PCDH15: variants seen among roughly 807,000 people sequenced by gnomAD.
The protein encoded by PCDH15 is protocadherin-15.
Under a neutral mutation model 178.5 loss-of-function variants are expected in PCDH15, and 129 were observed. That is an observed-to-expected ratio of 0.72 (90% confidence interval 0.63 to 0.84). The LOEUF is 0.84. Ranked by LOEUF, PCDH15 falls within the 40% of genes least tolerant of loss-of-function variation. The pLI is 0.00. For synonymous variants in PCDH15, 800 were observed against 732.0 expected (o/e 1.09, Z -1.50); for missense variants, 2,230 against 2,099.9 (o/e 1.06, Z -1.21).
At chr10:55,009,170 G>C (rs1839996221) in intron 2 of PCDH15, among the ~76,000 whole-genome samples, 1 of 151,906 alleles carries the variant, frequency 6.6e-6, no homozygotes, top group Non-Finnish European at 1.5e-5. Context: ...TTTTAATGTA[G>C]CATCAACCTT....
chr10:55,512,687 G>A (rs1048727735), intron 2 of PCDH15, among the ~76,000 whole-genome samples: 4 of 152,014 alleles, frequency 2.6e-5, no homozygotes, highest in Non-Finnish European at 5.9e-5. Flanking sequence ...TGTAAAGATT[G>A]TTTTCTAGCC....
chr10:55,457,916 T>C (rs1377892643), intron 2 of PCDH15, among the ~76,000 whole-genome samples: 1 of 152,100 alleles, frequency 6.6e-6, no homozygotes, highest in Non-Finnish European at 1.5e-5. Flanking sequence ...ATTTATAAAG[T>C]AGCAATATGT....
rs1265091904 is a variant in PCDH15 at position 54,752,360 on chromosome 10, C to T, written c.-29+48565G>A. 3.3e-5 allele frequency among the ~76,000 whole-genome samples: 5 copies of T among 151,528 alleles called. No homozygotes were observed. In the South Asian group the frequency reaches 1.0e-3, roughly 32 times the overall value. On this transcript the variant is annotated intron_variant, in intron 1 of 37. Coordinates refer to ENST00000644397, the MANE Select transcript of PCDH15 (RefSeq NM_001384140.1). ...GGCGTGGTGGCGGGCGCCTGTAGTC[C>T]CAGCTACTCTGGAGGCTGAGGCAGG...
intron 2 of PCDH15, among the ~76,000 whole-genome samples, chr10:54,540,163 A>G (rs2085047638): frequency 6.6e-6 from 1 of 152,128 alleles, no homozygotes; most frequent in African/African-American, 2.4e-5. Flanking sequence ...GGGCAGGACT[A>G]AATAAAATTG....
chr10:53,947,449 T>A (rs1020244240), intron 23 of PCDH15, among the ~76,000 whole-genome samples: 1 of 152,124 alleles, frequency 6.6e-6, no homozygotes, highest in Non-Finnish European at 1.5e-5. Flanking sequence ...CAAATCTAAT[T>A]TATTTTGACA....
At chr10:54,557,038 T>C (rs1049421361) in intron 2 of PCDH15, among the ~76,000 whole-genome samples, 2 of 152,178 alleles carry the variant, frequency 1.3e-5, no homozygotes, top group Admixed American at 6.5e-5. Flanking sequence ...TTAAAGACTA[T>C]TCATCTTTAA....
chr10:54,265,200 G>A (rs1446448014), intron 8 of PCDH15, among the ~76,000 whole-genome samples: 1 of 152,092 alleles, frequency 6.6e-6, no homozygotes, highest in Non-Finnish European at 1.5e-5. Context: ...GTCTTTCTGA[G>A]TCAAGCAATC....
intron 3 of PCDH15, among the ~76,000 whole-genome samples, chr10:54,508,243 T>C (rs1023848252): frequency 1.2e-4 from 19 of 152,014 alleles, no homozygotes; most frequent in African/African-American, 4.6e-4. Context: ...GCCAGCACAC[T>C]ATCATACATT....
At chr10:55,541,886 C>A (rs1841767226) in intron 2 of PCDH15, among the ~76,000 whole-genome samples, 1 of 151,670 alleles carries the variant, frequency 6.6e-6, no homozygotes, top group African/African-American at 2.4e-5. Flanking sequence ...GTGATTTGTC[C>A]AAACCATAAG....
intron 3 of PCDH15, among the ~76,000 whole-genome samples, chr10:54,870,764 C>T (rs930970014): frequency 6.6e-5 from 10 of 150,424 alleles, no homozygotes; most frequent in Non-Finnish European, 1.5e-4. Flanking sequence ...CTAGCCTGGG[C>T]GACAGAGAGA....
Position 53,824,775 on chromosome 10 carries a change from T to C in PCDH15, c.4367+2618A>G, listed in dbSNP as rs116628563. On this transcript the variant is annotated intron_variant, in intron 32 of 37. Transcript: ENST00000644397. ...TTCTCTTGGTAAAGCACCCAATGGA[T>C]ATAACAATATCACATCACTTTGACT... Among the ~76,000 whole-genome samples the C allele has an allele frequency of 5.7e-3, 865 of 152,236 alleles. 10 individuals carry two copies. The highest frequency in any genetic ancestry group is 0.02 in the African/African-American group (812 of 41,562).
chr10:54,743,165 A>G (rs1945029124), intron 1 of PCDH15, among the ~76,000 whole-genome samples: 1 of 152,032 alleles, frequency 6.6e-6, no homozygotes. Flanking sequence ...TATATTTTCC[A>G]GAAGATAAAT....
intron 3 of PCDH15, among the ~76,000 whole-genome samples, chr10:54,490,212 A>T (rs963425179): frequency 1.3e-5 from 2 of 152,154 alleles, no homozygotes; most frequent in African/African-American, 4.8e-5. Flanking sequence ...GCACTTTGGG[A>T]GGCTGAGGCG....
intron 2 of PCDH15, among the ~76,000 whole-genome samples, chr10:54,569,335 G>T (rs941455727): frequency 1.3e-5 from 2 of 152,040 alleles, no homozygotes; most frequent in Non-Finnish European, 2.9e-5. Context: ...TTTTTTATTT[G>T]ATCATGCTTA....
intron 1 of PCDH15, among the ~76,000 whole-genome samples, chr10:54,687,477 C>T (rs961752062): frequency 6.6e-6 from 1 of 152,040 alleles, no homozygotes; most frequent in Non-Finnish European, 1.5e-5. Context: ...CTGACTAAAA[C>T]TCTCTCCTTT....
chr10:55,504,372 T>C (rs1473974931), intron 2 of PCDH15, among the ~76,000 whole-genome samples: 1 of 151,426 alleles, frequency 6.6e-6, no homozygotes, highest in African/African-American at 2.4e-5. Flanking sequence ...ATATATTTCA[T>C]TATTTTTAAA....
intron 1 of PCDH15, among the ~76,000 whole-genome samples, chr10:55,205,713 A>T (rs1840380046): frequency 6.6e-6 from 1 of 151,836 alleles, no homozygotes; most frequent in African/African-American, 2.4e-5. Flanking sequence ...CTCAACACAC[A>T]CACATAAGAA....
intron 3 of PCDH15, among the ~76,000 whole-genome samples, chr10:54,431,464 T>C (rs1956962277): frequency 6.6e-6 from 1 of 152,196 alleles, no homozygotes; most frequent in Non-Finnish European, 1.5e-5. Flanking sequence ...TGCACATCAA[T>C]CAGTGTGATA....
At chr10:55,196,279 A>G (rs1490063032) in intron 1 of PCDH15, among the ~76,000 whole-genome samples, 1 of 152,048 alleles carries the variant, frequency 6.6e-6, no homozygotes, top group Non-Finnish European at 1.5e-5. Flanking sequence ...GTAACATAGT[A>G]TTACCTCAAA....
Sources: gnomAD v4.1 joint callset for allele counts (sites outside exome capture counted in the v4.1 genomes callset) on GRCh38, gnomAD v4.1.1 for gene constraint, MANE v1.5 for transcripts, NCBI Gene and HGNC (gene_info 2026-07-23, HGNC 2026-07-21) for gene names.